PLEKHH2: variants seen among roughly 807,000 people sequenced by gnomAD.
The protein encoded by PLEKHH2 is pleckstrin homology domain-containing family H member 2.
PLEKHH2 carries 129 observed loss-of-function variants against 187.9 expected under a neutral mutation model. The ratio of observed to expected loss-of-function variants is 0.69; its 90% CI spans 0.59 to 0.79. The LOEUF is 0.79. Among genes scored for constraint, PLEKHH2 ranks in the 30% least tolerant of loss-of-function variants. The pLI is 0.00. For synonymous variants in PLEKHH2, 686 were observed against 605.6 expected (o/e 1.13, Z -1.95); for missense variants, 2,076 against 1,751.2 (o/e 1.19, Z -3.31).
rs70965318 is a variant in PLEKHH2, at chr2:43,704,662, TA to T, written c.1726+630del. Among the ~76,000 whole-genome samples, 396 of 84,286 alleles carry T rather than the reference TA, an allele frequency of 4.7e-3. 2 individuals are homozygous for T. Among genetic ancestry groups the T allele is most frequent in the South Asian group, 5.6e-3 (10 of 1,780 alleles). 55.3% of individuals were successfully genotyped at this position (84,286 alleles called of 152,430 possible). ...TGGGTGACAGAGCAAGATTCTGTCTTAAAAAAAAAAAAAAAAAAAAAAAAGA... is the reference window on the plus strand; with the variant it reads ...TGGGTGACAGAGCAAGATTCTGTCTTAAAAAAAAAAAAAAAAAAAAAAAGA... On this transcript the variant is annotated intron_variant, in intron 9 of 29. Transcript: ENST00000282406.
In PLEKHH2 at chr2:43,761,059, T is replaced by C. The variant is rs1031338739; in HGVS notation, c.4072-1245T>C. Among the ~76,000 whole-genome samples the C allele has an allele frequency of 2.0e-5, 3 of 152,190 alleles. No individual in the cohort carries two copies. In the East Asian group the frequency reaches 5.8e-4, roughly 29 times the overall value. ...ATTCACCTGTCAGTGGACACTAGAG[T>C]TGAAGGGCATCCTTTTGAATTGAAT... On this transcript the variant is annotated intron_variant, in intron 27 of 29. Coordinates refer to ENST00000282406, the MANE Select transcript of PLEKHH2 (RefSeq NM_172069.4).
chr2:43,684,603 A>G (rs1443218492), intron 3 of PLEKHH2, among the ~76,000 whole-genome samples: 3 of 152,158 alleles, frequency 2.0e-5, no homozygotes, highest in Non-Finnish European at 2.9e-5. Context: ...TCTTTAAAAA[A>G]GGATCCTTGT....
At chr2:43,675,795 G>A (rs1156781889) in intron 2 of PLEKHH2, 6 of 1,613,696 alleles carry the variant, frequency 3.7e-6, no homozygotes, top group Admixed American at 3.3e-5. Context: ...TCACGTATTC[G>A]AGGTCTCCAA....
At chr2:43,654,198 T>C (rs1242266809) in intron 2 of PLEKHH2, among the ~76,000 whole-genome samples, 2 of 152,156 alleles carry the variant, frequency 1.3e-5, no homozygotes, top group Non-Finnish European at 2.9e-5. Flanking sequence ...TTATGTTATT[T>C]ATTTATTTAT....
At chr2:43,728,856 C>T (rs1365232315) in intron 17 of PLEKHH2, among the ~76,000 whole-genome samples, 1 of 152,056 alleles carries the variant, frequency 6.6e-6, no homozygotes, top group Non-Finnish European at 1.5e-5. Flanking sequence ...GCCACCGTGC[C>T]CGGCCTACAA....
chr2:43,653,435 G>A (rs1001584794), intron 2 of PLEKHH2, among the ~76,000 whole-genome samples: 5 of 152,166 alleles, frequency 3.3e-5, no homozygotes, highest in South Asian at 2.1e-4. Flanking sequence ...ATTCTGCACC[G>A]AGGCCAATTA....
chr2:43,740,943 C>T lies in PLEKHH2; in HGVS notation c.3124-3C>T. 1 of 1,613,370 alleles carries T rather than the reference C, an allele frequency of 6.2e-7. No homozygotes were observed. The highest frequency in any genetic ancestry group is 1.1e-5 in the South Asian group (1 of 90,922). On this transcript the variant is annotated splice_polypyrimidine_tract_variant and splice_region_variant and intron_variant, in intron 20 of 29. Coordinates refer to ENST00000282406, the MANE Select transcript of PLEKHH2 (RefSeq NM_172069.4). Reference sequence around the variant, plus strand: ...CTAACCTGTGGTGCTTCTCCCTGCCCAGGGCTGGCAGCTCTTGGCACTCTG... The same window carrying T: ...CTAACCTGTGGTGCTTCTCCCTGCCTAGGGCTGGCAGCTCTTGGCACTCTG...
At position 43,742,744 on chromosome 2, in the gene PLEKHH2, A is replaced by G. The variant is rs746758791; in HGVS notation, c.3225A>G (p.Thr1075=). 2 of 1,559,836 alleles carry G rather than the reference A, an allele frequency of 1.3e-6. No homozygotes were observed. The highest frequency in any genetic ancestry group is 1.7e-6 in the Non-Finnish European group (2 of 1,156,650). ...TATCTTAAGTTTTGTATTACAGGAC[A>G]GAATTTGGAAAATATGCCATTTACT... The part of the protein sequence containing the change: ...LHLKRNADSR[T]EFGKYAIYCQ... The change falls in exon 22 of 30, where the codon ACA becomes ACG. Residue 1075 remains threonine (T), a synonymous_variant. Coordinates refer to ENST00000282406, the MANE Select transcript of PLEKHH2 (RefSeq NM_172069.4).
chr2:43,760,108 T>C (rs1293978424), intron 27 of PLEKHH2, among the ~76,000 whole-genome samples: 1 of 152,224 alleles, frequency 6.6e-6, no homozygotes. Flanking sequence ...AGATTTGAAC[T>C]GTAGAGCAGC....
At chr2:43,642,939 T>C (rs990074855) in intron 1 of PLEKHH2, among the ~76,000 whole-genome samples, 1 of 152,140 alleles carries the variant, frequency 6.6e-6, no homozygotes, top group Non-Finnish European at 1.5e-5. Context: ...AGAGTATCCC[T>C]ACATTTCTGC....
At chr2:43,698,542 C>T (rs1390572482) in intron 7 of PLEKHH2, among the ~76,000 whole-genome samples, 2 of 152,188 alleles carry the variant, frequency 1.3e-5, no homozygotes, top group African/African-American at 4.8e-5. Context: ...AGCCACTGCA[C>T]CCGGCCTACT....
intron 2 of PLEKHH2, among the ~76,000 whole-genome samples, chr2:43,651,671 A>C (rs374422381): frequency 9.8e-5 from 15 of 152,304 alleles, no homozygotes; most frequent in African/African-American, 3.1e-4. Context: ...GTTCAACTAA[A>C]AGGGCATTAG....
Position 43,765,432 on chromosome 2 carries a change from T to C in PLEKHH2, c.4316T>C (p.Leu1439Ser). 6.2e-7 allele frequency: 1 copy of C among 1,614,134 alleles called. No individual in the cohort carries two copies. The highest frequency in any genetic ancestry group is 1.3e-5 in the African/African-American group (1 of 75,048). The change falls in exon 30 of 30, where the codon TTG becomes TCG. Residue 1439 changes from leucine to serine, a missense_variant. Coordinates refer to ENST00000282406, the MANE Select transcript of PLEKHH2 (RefSeq NM_172069.4). ...AKPKILEITLLIASYINNFHQ... is the reference protein window; with the variant it reads ...AKPKILEITLSIASYINNFHQ... The stretch of plus-strand genomic sequence containing the variant: ...TTTTAGATTCTTGAAATCACTCTTT[T>C]GATCGCCAGTTACATAAACAACTTC...
chr2:43,672,271 G>T (rs558688698), intron 2 of PLEKHH2, among the ~76,000 whole-genome samples: 1 of 151,516 alleles, frequency 6.6e-6, no homozygotes, highest in Non-Finnish European at 1.5e-5. Flanking sequence ...TTTCTTTTTT[G>T]CTTTATTGGT....
At chr2:43,720,576 A>C (rs747526196) in intron 15 of PLEKHH2, 93 bp from the exon 16 acceptor site, 3 of 1,553,452 alleles carry the variant, frequency 1.9e-6, no homozygotes, top group Admixed American at 4.4e-5. Flanking sequence ...GGCAAACTGG[A>C]TGCCTATAGA....
chr2:43,718,983 A>G (rs1394769475), intron 15 of PLEKHH2, among the ~76,000 whole-genome samples: 1 of 152,240 alleles, frequency 6.6e-6, no homozygotes, highest in East Asian at 1.9e-4. Flanking sequence ...ATGAGTTTAA[A>G]AGAAAATGTG....
intron 2 of PLEKHH2, among the ~76,000 whole-genome samples, chr2:43,653,070 T>C (rs1021217130): frequency 2.0e-5 from 3 of 151,428 alleles, no homozygotes; most frequent in African/African-American, 7.3e-5. Context: ...AATTTAGAGG[T>C]CCAGTTCAAT....
intron 11 of PLEKHH2, among the ~76,000 whole-genome samples, chr2:43,708,741 T>C (rs1404804007): frequency 6.6e-6 from 1 of 152,188 alleles, no homozygotes; most frequent in Non-Finnish European, 1.5e-5. Flanking sequence ...GCCTGAGACT[T>C]GTGTTCCAAC....
chr2:43,652,865 C>T (rs1032560548), intron 2 of PLEKHH2, among the ~76,000 whole-genome samples: 1 of 152,102 alleles, frequency 6.6e-6, no homozygotes, highest in East Asian at 1.9e-4. Flanking sequence ...TTAATATTCT[C>T]AGAGAGAAAG....
Sources: allele counts gnomAD v4.1 joint callset (sites outside exome capture counted in the v4.1 genomes callset), GRCh38; gene constraint gnomAD v4.1.1; transcripts MANE v1.5; gene names NCBI Gene and HGNC (gene_info 2026-07-23, HGNC 2026-07-21).